ACOX2: variants seen among roughly 807,000 people sequenced by gnomAD.
ACOX2 encodes the protein peroxisomal acyl-coenzyme A oxidase 2.
Under a neutral mutation model 77.5 loss-of-function variants are expected in ACOX2, and 59 were observed. That is an observed-to-expected ratio of 0.76 (90% CI 0.62 to 0.95). The LOEUF (loss-of-function observed/expected upper bound fraction) is 0.95. Among genes scored for constraint, ACOX2 ranks in the 40% least tolerant of loss-of-function variants. The probability of loss-of-function intolerance (pLI) is 0.00; values close to 1 mark genes in which losing one functional copy is unlikely to be tolerated. For missense variants in ACOX2, 837 were observed against 880.4 expected (o/e 0.95, Z 0.62); for synonymous variants, 317 against 340.1 (o/e 0.93, Z 0.75).
At position 58,514,230 on chromosome 3, in the gene ACOX2, C is replaced by T. The variant is rs1339010376; in HGVS notation, c.1850+2976G>A. Among the ~76,000 whole-genome samples, 5 of 152,112 alleles carry T rather than the reference C, an allele frequency of 3.3e-5. No individual in the cohort carries two copies. Among genetic ancestry groups the T allele is most frequent in the Non-Finnish European group, 7.4e-5 (5 of 68,016 alleles). ...CTAAGGTAGGAGGATCCCTTGAGCC[C>T]AGGAGTTCAAGAGCAGCCTGGACAA... On this transcript the variant is annotated intron_variant, in intron 13 of 14. Coordinates refer to ENST00000302819, the MANE Select transcript of ACOX2 (RefSeq NM_003500.4). This position sits in a 1 kb window ranked among gnomAD's most constrained non-coding sequence, Gnocchi z 4.3.
chr3:58,515,541 C>G lies in ACOX2; in HGVS notation c.1850+1665G>C, dbSNP rs910107860. 6.6e-6 allele frequency among the ~76,000 whole-genome samples: 1 copy of G among 152,152 alleles called. No individual in the cohort carries two copies. Among genetic ancestry groups the G allele is most frequent in the African/African-American group, 2.4e-5 (1 of 41,416 alleles). On this transcript the variant is annotated intron_variant, in intron 13 of 14. Coordinates refer to ENST00000302819, the MANE Select transcript of ACOX2 (RefSeq NM_003500.4). This position sits in a 1 kb window ranked among gnomAD's most constrained non-coding sequence, Gnocchi z 4.0. ...TAAACTCTTTGCCTCAAGTGATCCT[C>G]CCACCTTGGCCTCCCAAAGTGCTGG...
chr3:58,530,535 A>T lies in ACOX2; in HGVS notation c.923T>A (p.Ile308Lys). ...VELLSGEILP[I>K]LQKACVIAMR... ...GGCGATGACACAGGCCTTCTGCAGT[A>T]TAGGGAGGATCTCCCCTGACAGCAG... is the stretch of plus-strand genomic sequence containing the variant. Residue 308 changes from isoleucine to lysine, a missense_variant, in exon 8 of 15, where the codon ATA (isoleucine) becomes AAA (lysine). Transcript: ENST00000302819. The T allele has an allele frequency of 6.2e-7, 1 of 1,614,258 alleles. No individual in the cohort carries two copies. Among genetic ancestry groups the T allele is most frequent in the Non-Finnish European group, 8.5e-7 (1 of 1,180,050 alleles).
rs1257746252 is a variant in ACOX2 at position 58,510,687 on chromosome 3, T to A, written c.1851-1662A>T. 1.1e-3 allele frequency among the ~76,000 whole-genome samples: 15 copies of A among 13,082 alleles called. 1 individual carries two copies. Among genetic ancestry groups the A allele is most frequent in the Non-Finnish European group, 1.6e-3 (10 of 6,250 alleles). The allele number at this position is 13,082 out of a possible 152,430, so 8.6% of individuals were successfully genotyped here. A position where few individuals can be genotyped will look rare whatever the true frequency, so the allele number is the denominator to read the frequency against. ...AAATATATATATATATATATATATATATATATATATATATATATATATACA... is the reference window on the plus strand; with the variant it reads ...AAATATATATATATATATATATATAAATATATATATATATATATATATACA... On this transcript the variant is annotated intron_variant, in intron 13 of 14. Coordinates refer to ENST00000302819, the MANE Select transcript of ACOX2 (RefSeq NM_003500.4).
rs1279236360 is a variant in ACOX2 at position 58,505,357 on chromosome 3, T to G, written c.1984-71A>C. 1.6e-6 allele frequency: 2 copies of G among 1,268,080 alleles called. No homozygotes were observed. The highest frequency in any genetic ancestry group is 3.0e-5 in the African/African-American group (2 of 66,152). 78.6% of individuals were successfully genotyped at this position (1,268,080 alleles called of 1,614,324 possible). On this transcript the variant is annotated intron_variant, in intron 14 of 14. Coordinates refer to ENST00000302819, the MANE Select transcript of ACOX2 (RefSeq NM_003500.4). This position sits in a 1 kb window ranked among gnomAD's most constrained non-coding sequence, Gnocchi z 4.4. The stretch of plus-strand genomic sequence containing the variant: ...AGGATTAATGACTTTCACTTTCAAA[T>G]TAAGTCTCTAGCTTCAAAAAGTAAC...
chr3:58,520,920 T>A (rs2107998110), intron 12 of ACOX2, among the ~76,000 whole-genome samples: 1 of 152,312 alleles, frequency 6.6e-6, no homozygotes, highest in South Asian at 2.1e-4. Flanking sequence ...CTCTGGGACC[T>A]AAGTCCTGAG....
chr3:58,513,294 T>C (rs1342787084), intron 13 of ACOX2, among the ~76,000 whole-genome samples: 1 of 152,234 alleles, frequency 6.6e-6, no homozygotes, highest in East Asian at 1.9e-4. Flanking sequence ...GAAACTCGTA[T>C]CCTTCATTTG....
At position 58,525,456 on chromosome 3, in the gene ACOX2, G is replaced by A. The variant is rs899023398; in HGVS notation, c.1347-851C>T. 3.9e-5 allele frequency among the ~76,000 whole-genome samples: 6 copies of A among 152,318 alleles called. No individual in the cohort carries two copies. The East Asian group carries it at 5.8e-4, about 15-fold the overall frequency. On this transcript the variant is annotated intron_variant, in intron 10 of 14. Coordinates refer to ENST00000302819, the MANE Select transcript of ACOX2 (RefSeq NM_003500.4). The surrounding 1 kb of genome is among the most constrained non-coding windows in gnomAD (Gnocchi z 5.0). The stretch of plus-strand genomic sequence containing the variant: ...GACCTAAGAGGGATGAAAAGAAATC[G>A]CCTGTGTGGAGGAAGCTGACTTGGC...
chr3:58,531,747 T>C lies in ACOX2; in HGVS notation c.649A>G (p.Met217Val). Residue 217 changes from methionine to valine, a missense_variant, in exon 6 of 15, where the codon ATG becomes GTG. Met to Val is a conservative substitution (Grantham distance 21). Transcript: ENST00000302819. This position sits in a 1 kb window ranked among gnomAD's most constrained non-coding sequence, Gnocchi z 5.8. ...QLICSGARRG[M>V]HAFIVPIRSL... Reference sequence around the variant, plus strand: ...CGGATTGGCACAATAAAAGCGTGCATGCCCCGCCTGGCTCCTGAGCAGATC... The same window carrying C: ...CGGATTGGCACAATAAAAGCGTGCACGCCCCGCCTGGCTCCTGAGCAGATC... 2.5e-6 allele frequency: 4 copies of C among 1,614,218 alleles called. No individual in the cohort carries two copies. Among genetic ancestry groups the C allele is most frequent in the Non-Finnish European group, 3.4e-6 (4 of 1,180,028 alleles).
In ACOX2 at chr3:58,519,139, T is replaced by C. The variant is rs1465510200; in HGVS notation, c.1633-1716A>G. ...GTGGCTCACACCTATATCCCAGCAC[T>C]TTGGGAAGTTGAGGTGGGCGGACCA... On this transcript the variant is annotated intron_variant, in intron 12 of 14. Transcript: ENST00000302819. This position sits in a 1 kb window ranked among gnomAD's most constrained non-coding sequence, Gnocchi z 5.0. Among the ~76,000 whole-genome samples the C allele has an allele frequency of 6.6e-6, 1 of 151,760 alleles. No individual in the cohort carries two copies. The highest frequency in any genetic ancestry group is 1.5e-5 in the Non-Finnish European group (1 of 67,960).
chr3:58,526,490 G>C lies in ACOX2; in HGVS notation c.1322C>G (p.Thr441Arg). The C allele has an allele frequency of 6.2e-7, 1 of 1,613,960 alleles. No individual in the cohort carries two copies. Residue 441 changes from threonine (T) to arginine (R), a missense_variant, in exon 10 of 15, where the codon ACA becomes AGA. Thr to Arg is a moderately conservative substitution (Grantham distance 71, BLOSUM62 -1). Transcript: ENST00000302819. This position sits in a 1 kb window ranked among gnomAD's most constrained non-coding sequence, Gnocchi z 4.3. ...CCTGGCCACCTGCAGGTAGAGCACT[G>C]TGTTCTCACCCTCGTAGGTACAGGA... ...SASCTYEGEN[T>R]VLYLQVARFL...
intron 13 of ACOX2, among the ~76,000 whole-genome samples, chr3:58,510,209 A>G (rs902308553): frequency 1.3e-5 from 2 of 152,068 alleles, no homozygotes; most frequent in African/African-American, 4.8e-5. Context: ...ACTGTATCCA[A>G]TGTAATCGTT....
rs1423856189 is a variant in ACOX2, at chr3:58,525,204, T to C, written c.1347-599A>G. On this transcript the variant is annotated intron_variant, in intron 10 of 14. Transcript: ENST00000302819. The surrounding 1 kb of genome is among the most constrained non-coding windows in gnomAD (Gnocchi z 5.0). ...GGGTTTGTGAAATGGAATGAGATGA[T>C]ATTTGTAGAGTGCTTGGCACAGTGC... 6.6e-5 allele frequency among the ~76,000 whole-genome samples: 10 copies of C among 152,208 alleles called. No individual in the cohort carries two copies. The highest frequency in any genetic ancestry group is 2.4e-4 in the African/African-American group (10 of 41,450).
chr3:58,508,962 A>C lies in ACOX2; in HGVS notation c.1914T>G (p.Leu638=). ...CGTAGACGTTTCCATCATAACAGCCAAGTGCTGAATTTAAACACTGATCGG... is the reference window on the plus strand; with the variant it reads ...CGTAGACGTTTCCATCATAACAGCCCAGTGCTGAATTTAAACACTGATCGG... ...DFTDQCLNSA[L]GCYDGNVYER... is the part of the protein sequence containing the mutation. The change falls in exon 14 of 15, where the codon CTT becomes CTG. Residue 638 remains leucine (L), a synonymous_variant. Coordinates refer to ENST00000302819, the MANE Select transcript of ACOX2 (RefSeq NM_003500.4). 1 of 1,614,210 alleles carries C rather than the reference A, an allele frequency of 6.2e-7. No homozygotes were observed. Among genetic ancestry groups the C allele is most frequent in the Non-Finnish European group, 8.5e-7 (1 of 1,180,034 alleles).
chr3:58,519,038 C>T lies in ACOX2; in HGVS notation c.1633-1615G>A, dbSNP rs543585672. Among the ~76,000 whole-genome samples the T allele has an allele frequency of 1.3e-5, 2 of 152,124 alleles. No individual in the cohort carries two copies. Among genetic ancestry groups the T allele is most frequent in the South Asian group, 2.1e-4 (1 of 4,822 alleles). On this transcript the variant is annotated intron_variant, in intron 12 of 14. Coordinates refer to ENST00000302819, the MANE Select transcript of ACOX2 (RefSeq NM_003500.4). This position sits in a 1 kb window ranked among gnomAD's most constrained non-coding sequence, Gnocchi z 5.0. ...TGAGACTGTGCATTTCTAACAAGGT[C>T]CCCTGTGATGCCCATGCTGCTGTAG...
chr3:58,525,356 A>C lies in ACOX2; in HGVS notation c.1347-751T>G, dbSNP rs759844410. Among the ~76,000 whole-genome samples, 31 of 152,350 alleles carry C rather than the reference A, an allele frequency of 2.0e-4. No homozygotes were observed. The highest frequency in any genetic ancestry group is 3.2e-4 in the Non-Finnish European group (22 of 68,034). ...TGCCAGTGAACTTCTTTCTCCTTGC[A>C]TAGGGAAGCATTTGCCCTGTTTGTT... On this transcript the variant is annotated intron_variant, in intron 10 of 14. Transcript: ENST00000302819. The surrounding 1 kb of genome is among the most constrained non-coding windows in gnomAD (Gnocchi z 5.0).
chr3:58,509,195 T>G (rs902350882), intron 13 of ACOX2, among the ~76,000 whole-genome samples, 170 bp from the exon 14 acceptor site: 1 of 151,970 alleles, frequency 6.6e-6, no homozygotes, highest in Admixed American at 6.6e-5. Flanking sequence ...ATGTGCATAG[T>G]ATAATGAGTC....
Position 58,526,892 on chromosome 3 carries a change from C to T in ACOX2, c.1156-236G>A, listed in dbSNP as rs2063399556. 1 of 481,962 alleles carries T rather than the reference C, an allele frequency of 2.1e-6. No homozygotes were observed. The highest frequency in any genetic ancestry group is 3.7e-6 in the Non-Finnish European group (1 of 272,444). 29.9% of individuals were successfully genotyped at this position (481,962 alleles called of 1,614,324 possible). ...GGCATAAGAGTGAAGGAAAACCTGG[C>T]CTGGCCAGTGTCTCCAGGATTGGGA... On this transcript the variant is annotated intron_variant, in intron 9 of 14. Transcript: ENST00000302819. This position sits in a 1 kb window ranked among gnomAD's most constrained non-coding sequence, Gnocchi z 4.3.
chr3:58,525,722 G>A lies in ACOX2; in HGVS notation c.1346+744C>T, dbSNP rs531977627. Among the ~76,000 whole-genome samples the A allele has an allele frequency of 2.0e-5, 3 of 152,286 alleles. No homozygotes were observed. Among genetic ancestry groups the A allele is most frequent in the Non-Finnish European group, 2.9e-5 (2 of 68,022 alleles). On this transcript the variant is annotated intron_variant, in intron 10 of 14. Transcript: ENST00000302819. This position sits in a 1 kb window ranked among gnomAD's most constrained non-coding sequence, Gnocchi z 5.0. ...CCTGGACAGAAAGAAGTGTGTGGCC[G>A]GCAGAAGTGAGCAGAGGTGGCTGGG...
chr3:58,531,664 G>C lies in ACOX2; in HGVS notation c.703+29C>G, dbSNP rs752461096. On this transcript the variant is annotated intron_variant, in intron 6 of 14. Transcript: ENST00000302819. The surrounding 1 kb of genome is among the most constrained non-coding windows in gnomAD (Gnocchi z 5.8). ...GCCACCTGGGCTCTCCTCCTGGCAG[G>C]GTTCCTTGAGGGAGCATTATGGGCT... 6.2e-7 allele frequency: 1 copy of C among 1,609,226 alleles called. No homozygotes were observed. The highest frequency in any genetic ancestry group is 8.5e-7 in the Non-Finnish European group (1 of 1,177,398).
Sources: allele counts gnomAD v4.1 joint callset (sites outside exome capture counted in the v4.1 genomes callset), GRCh38; gene constraint gnomAD v4.1.1; non-coding constraint Gnocchi (gnomAD v3.1); transcripts MANE v1.5; gene names NCBI Gene and HGNC (gene_info 2026-07-23, HGNC 2026-07-21).